SKIDA1: variants seen among roughly 807,000 people sequenced by gnomAD.
The protein encoded by SKIDA1 is SKI/DACH domain-containing protein 1.
Under a neutral mutation model 51.4 loss-of-function variants are expected in SKIDA1, and 18 were observed. The observed-to-expected ratio is 0.35, with a 90% CI of 0.24 to 0.52. The LOEUF (loss-of-function observed/expected upper bound fraction) is 0.52. SKIDA1 is among the 20% of genes least tolerant of loss of function. The pLI is 0.95. For synonymous variants in SKIDA1, 579 were observed against 500.5 expected (o/e 1.16, Z -2.09); for missense variants, 1,104 against 1,180.6 (o/e 0.94, Z 0.95).
At chr10:21,523,320 G>T (rs116104620) in intron 2 of SKIDA1, among the ~76,000 whole-genome samples, 1 of 152,306 alleles carries the variant, frequency 6.6e-6, no homozygotes, top group African/African-American at 2.4e-5. Context: ...CCATAATTAT[G>T]ATGGTGATAA....
Position 21,514,519 on chromosome 10 carries a change from A to C in SKIDA1, c.*577T>G, listed in dbSNP as rs891397497. The C allele has an allele frequency of 6.6e-6, 1 of 150,878 alleles. No individual in the cohort carries two copies. Among genetic ancestry groups the C allele is most frequent in the African/African-American group, 2.4e-5 (1 of 40,964 alleles). The allele number at this position is 150,878 out of a possible 1,614,324, so 9.3% of individuals were successfully genotyped here. ...AAAAAAAAAAAAAAAAGTTAAGTGC[A>C]ACTACTCTTGGAGAGGGAATAAGGG... is the stretch of plus-strand genomic sequence containing the variant. On this transcript the variant is annotated 3_prime_UTR_variant, in exon 4 of 4. Transcript: ENST00000449193.
chr10:21,522,508 G>A (rs1447027080), intron 2 of SKIDA1, among the ~76,000 whole-genome samples: 1 of 152,078 alleles, frequency 6.6e-6, no homozygotes. Flanking sequence ...TCATATGGCT[G>A]AATTAGTTGA....
rs1417314231 is a variant in SKIDA1 at position 21,517,076 on chromosome 10, C to A, written c.747G>T (p.Ser249=). 4.0e-6 allele frequency: 4 copies of A among 1,004,792 alleles called. No homozygotes were observed. The highest frequency in any genetic ancestry group is 3.5e-6 in the Non-Finnish European group (3 of 846,438). The allele number at this position is 1,004,792 out of a possible 1,614,324, so 62.2% of individuals were successfully genotyped here. ...AAAAAAYYQV[S]AAGPQPKAAA... is the part of the protein sequence containing the mutation. ...CTGCCTTGGGCTGGGGCCCGGCCGCCGATACCTGGTAATAGGCGGCGGCGG... is the reference window on the plus strand; with the variant it reads ...CTGCCTTGGGCTGGGGCCCGGCCGCAGATACCTGGTAATAGGCGGCGGCGG... The change falls in exon 4 of 4, where the codon TCG becomes TCT. Residue 249 remains serine (S), a synonymous_variant. Transcript: ENST00000449193. The surrounding 1 kb of genome is among the most constrained non-coding windows in gnomAD (Gnocchi z 6.9).
chr10:21,525,008 G>T (rs1262027675), intron 1 of SKIDA1, among the ~76,000 whole-genome samples: 1 of 152,180 alleles, frequency 6.6e-6, no homozygotes, highest in Non-Finnish European at 1.5e-5. Context: ...GCTTGCTGTG[G>T]CGGATCTCCA....
intron 2 of SKIDA1, among the ~76,000 whole-genome samples, chr10:21,522,263 G>GCCAA (rs2032417768): frequency 4.1e-5 from 1 of 24,114 alleles, no homozygotes; most frequent in Non-Finnish European, 6.9e-5. Context: ...GAGGATCACA[G>GCCAA]CCACCCCCCC....
chr10:21,517,628 C>T lies in SKIDA1; in HGVS notation c.195G>A (p.Arg65=), dbSNP rs763437601. Residue 65 remains arginine, a synonymous_variant, in exon 4 of 4, where the codon CGG becomes CGA. Coordinates refer to ENST00000449193, the MANE Select transcript of SKIDA1 (RefSeq NM_207371.4). This position sits in a 1 kb window ranked among gnomAD's most constrained non-coding sequence, Gnocchi z 6.9. ...CGATGCTGTTAATTGCCTTGAGTTT[C>T]CGCAACTCCTCCAGATCGCAGTGGT... ...KKHHCDLEEL[R]KLKAINSIAF... is the part of the protein sequence containing the mutation. 5 of 1,613,840 alleles carry T rather than the reference C, an allele frequency of 3.1e-6. No individual in the cohort carries two copies. The highest frequency in any genetic ancestry group is 8.5e-7 in the Non-Finnish European group (1 of 1,179,850).
At position 21,516,537 on chromosome 10, in the gene SKIDA1, C is replaced by CCCTCCTCCTCCT. The variant is rs112207161; in HGVS notation, c.1274_1285dup (p.Glu425_Glu428dup). 7 of 1,489,368 alleles carry CCCTCCTCCTCCT rather than the reference C, an allele frequency of 4.7e-6. No homozygotes were observed. Among genetic ancestry groups the CCCTCCTCCTCCT allele is most frequent in the African/African-American group, 4.4e-5 (3 of 68,630 alleles). 92.3% of individuals were successfully genotyped at this position (1,489,368 alleles called of 1,614,324 possible). ...ACTGGAATCCGAGGCCCCGCTGCCC[C>CCCTCCTCCTCCT]CCTCCTCCTCCTCTTCCTCCTCCTC... On this transcript the variant is annotated inframe_insertion, in exon 4 of 4. Transcript: ENST00000449193. The surrounding 1 kb of genome is among the most constrained non-coding windows in gnomAD (Gnocchi z 5.7).
Position 21,516,725 on chromosome 10 carries a change from G to A in SKIDA1, c.1098C>T (p.His366=), listed in dbSNP as rs763624692. The change falls in exon 4 of 4, where the codon CAC becomes CAT. Residue 366 remains histidine (H), a synonymous_variant. Transcript: ENST00000449193. This position sits in a 1 kb window ranked among gnomAD's most constrained non-coding sequence, Gnocchi z 5.7. Reference sequence around the variant, plus strand: ...AGCTGCCCAGATGGGGCTGCGGCCGGTGGTGGTGAGGGGGGTGGTGACTCT... The same window carrying A: ...AGCTGCCCAGATGGGGCTGCGGCCGATGGTGGTGAGGGGGGTGGTGACTCT... ...PQQSHHPPHH[H]RPQPHLGSFP... 5 of 1,550,734 alleles carry A rather than the reference G, an allele frequency of 3.2e-6. No homozygotes were observed. The South Asian group carries it at 4.8e-5, about 15-fold the overall frequency.
At position 21,515,543 on chromosome 10, in the gene SKIDA1, A is replaced by G; in HGVS notation, c.2280T>C (p.Thr760=). ...PLAQSQGLSC[T]LGSPKPEDGE... ...CATCCTCAGGTTTTGGAGAACCTAA[A>G]GTGCATGAAAGGCCCTGACTTTGAG... The change falls in exon 4 of 4, where the codon ACT becomes ACC. Residue 760 remains threonine (T), a synonymous_variant. Transcript: ENST00000449193. 1.9e-6 allele frequency: 3 copies of G among 1,614,028 alleles called. No homozygotes were observed.
intron 1 of SKIDA1, 49 bp from the exon 2 acceptor site, chr10:21,523,920 G>T (rs1278190115): frequency 1.3e-5 from 2 of 150,080 alleles, no homozygotes; most frequent in Non-Finnish European, 3.0e-5. Context: ...TCACAAGTTC[G>T]AATTTATGGA....
chr10:21,517,115 G>GGCGGCAGCA lies in SKIDA1; in HGVS notation c.699_707dup (p.Ala242_Ala244dup). On this transcript the variant is annotated inframe_insertion, in exon 4 of 4. Coordinates refer to ENST00000449193, the MANE Select transcript of SKIDA1 (RefSeq NM_207371.4). This position sits in a 1 kb window ranked among gnomAD's most constrained non-coding sequence, Gnocchi z 6.9. ...AGGCGGCGGCGGCGGCGGCGGCGGCGGCGGCAGCAGCGGCGGCGGCGGCGG... is the reference window on the plus strand; with the variant it reads ...AGGCGGCGGCGGCGGCGGCGGCGGCGGCGGCAGCAGCGGCAGCAGCGGCGGCGGCGGCGG... The GGCGGCAGCA allele has an allele frequency of 7.7e-6, 8 of 1,044,494 alleles. No homozygotes were observed. Among genetic ancestry groups the GGCGGCAGCA allele is most frequent in the Non-Finnish European group, 9.3e-6 (8 of 864,020 alleles). 64.7% of individuals were successfully genotyped at this position (1,044,494 alleles called of 1,614,324 possible).
rs763885289 is a variant in SKIDA1, at chr10:21,515,573, T to C, written c.2250A>G (p.Pro750=). ...CPEKETPSLN[P]LAQSQGLSCT... ...ATGAAAGGCCCTGACTTTGAGCCAG[T>C]GGATTTAAGGAAGGAGTTTCTTTTT... Residue 750 remains proline (P), a synonymous_variant, in exon 4 of 4, where the codon CCA becomes CCG. Transcript: ENST00000449193. 7 of 1,613,996 alleles carry C rather than the reference T, an allele frequency of 4.3e-6. No individual in the cohort carries two copies. Among genetic ancestry groups the C allele is most frequent in the East Asian group, 2.2e-5 (1 of 44,890 alleles).
rs199700139 is a variant in SKIDA1 at position 21,516,138 on chromosome 10, T to C, written c.1685A>G (p.Asn562Ser). The part of the protein sequence containing the change: ...EITFPHSEIS[N>S]AVKRTDLTIN... ...TGTCAGGTCAGTTCTCTTTACAGCATTGGAAATTTCAGAGTGTGGGAATGT... is the reference window on the plus strand; with the variant it reads ...TGTCAGGTCAGTTCTCTTTACAGCACTGGAAATTTCAGAGTGTGGGAATGT... The change falls in exon 4 of 4, where the codon AAT becomes AGT. Residue 562 changes from asparagine (N) to serine (S), a missense_variant. Physicochemically the swap from Asn to Ser is conservative, Grantham distance 46. This residue lies in a region of SKIDA1 where 938 missense variants were observed against 886.4 expected (regional missense o/e 1.06). Transcript: ENST00000449193. The surrounding 1 kb of genome is among the most constrained non-coding windows in gnomAD (Gnocchi z 5.7). 145 of 1,613,928 alleles carry C rather than the reference T, an allele frequency of 9.0e-5. No individual in the cohort carries two copies. Among genetic ancestry groups the C allele is most frequent in the Non-Finnish European group, 9.3e-5 (110 of 1,179,916 alleles).
At position 21,517,490 on chromosome 10, in the gene SKIDA1, G is replaced by A; in HGVS notation, c.333C>T (p.Ala111=). The A allele has an allele frequency of 5.2e-6, 8 of 1,550,568 alleles. No homozygotes were observed. Among genetic ancestry groups the A allele is most frequent in the Non-Finnish European group, 7.0e-6 (8 of 1,147,636 alleles). ...CTGGCGGCGGCGCCTTTGTGGCCAG[G>A]GCCCGGCCGACCCGCCTGCGCTTGG... is the stretch of plus-strand genomic sequence containing the variant. ...LKTKRRRVGR[A]LATKAPPPER... is the part of the protein sequence containing the mutation. The change falls in exon 4 of 4, where the codon GCC becomes GCT. Residue 111 remains alanine, a synonymous_variant. Transcript: ENST00000449193. The surrounding 1 kb of genome is among the most constrained non-coding windows in gnomAD (Gnocchi z 6.9).
intron 2 of SKIDA1, among the ~76,000 whole-genome samples, chr10:21,522,641 A>T (rs1240456548): frequency 6.6e-6 from 1 of 152,222 alleles, no homozygotes; most frequent in Admixed American, 6.5e-5. Flanking sequence ...TTGAGAAACA[A>T]ATGATAACTT....
chr10:21,515,538 C>G lies in SKIDA1; in HGVS notation c.2285G>C (p.Gly762Ala). The G allele has an allele frequency of 1.9e-6, 3 of 1,613,944 alleles. No individual in the cohort carries two copies. Among genetic ancestry groups the G allele is most frequent in the Non-Finnish European group, 1.7e-6 (2 of 1,179,868 alleles). ...TTCCCCATCCTCAGGTTTTGGAGAA[C>G]CTAAAGTGCATGAAAGGCCCTGACT... ...AQSQGLSCTL[G>A]SPKPEDGEYK... The change falls in exon 4 of 4, where the codon GGT becomes GCT. Residue 762 changes from glycine (G) to alanine (A), a missense_variant. Coordinates refer to ENST00000449193, the MANE Select transcript of SKIDA1 (RefSeq NM_207371.4).
intron 2 of SKIDA1, among the ~76,000 whole-genome samples, chr10:21,523,025 G>C (rs2032462866): frequency 6.6e-6 from 1 of 152,216 alleles, no homozygotes; most frequent in Admixed American, 6.5e-5. Context: ...GGCACCTCCA[G>C]ATAACATATA....
At position 21,515,867 on chromosome 10, in the gene SKIDA1, C is replaced by T. The variant is rs1172644851; in HGVS notation, c.1956G>A (p.Gln652=). Residue 652 remains glutamine, a synonymous_variant, in exon 4 of 4, where the codon CAG becomes CAA. Coordinates refer to ENST00000449193, the MANE Select transcript of SKIDA1 (RefSeq NM_207371.4). ...PEFATDLPSS[Q]TDPEVNAAGA... is the part of the protein sequence containing the mutation. ...CTGCAGCGTTCACTTCAGGATCAGTCTGCGAAGAGGGCAAATCCGTAGCAA... is the reference window on the plus strand; with the variant it reads ...CTGCAGCGTTCACTTCAGGATCAGTTTGCGAAGAGGGCAAATCCGTAGCAA... 6.2e-7 allele frequency: 1 copy of T among 1,614,012 alleles called. No homozygotes were observed. The highest frequency in any genetic ancestry group is 1.7e-5 in the Admixed American group (1 of 60,032).
At position 21,515,217 on chromosome 10, in the gene SKIDA1, G is replaced by T; in HGVS notation, c.2606C>A (p.Ser869Tyr). The T allele has an allele frequency of 6.2e-7, 1 of 1,613,892 alleles. No individual in the cohort carries two copies. Among genetic ancestry groups the T allele is most frequent in the Non-Finnish European group, 8.5e-7 (1 of 1,179,862 alleles). ...TTGAGAATCCTTAGTGGTGTTTAAG[G>T]AATACGCCGGCCACAAATCCCCATC... ...GRDGDLWPAY[S>Y]LNTTKDSQTP... is the part of the protein sequence containing the mutation. Residue 869 changes from serine (S) to tyrosine (Y), a missense_variant, in exon 4 of 4, where the codon TCC becomes TAC. By Grantham distance (144) the Ser-to-Tyr change is moderately radical. Around this residue, in one of 3 missense-constraint regions of SKIDA1, gnomAD observed 112 missense variants for 168.3 expected, o/e 0.67. Transcript: ENST00000449193.
Sources: gnomAD v4.1 joint callset for allele counts (sites outside exome capture counted in the v4.1 genomes callset) on GRCh38, gnomAD v4.1.1 for gene constraint, gnomAD v4.1.1 regional missense constraint, Gnocchi (gnomAD v3.1) non-coding constraint, MANE v1.5 for transcripts, NCBI Gene and HGNC (gene_info 2026-07-23, HGNC 2026-07-21) for gene names.